FAM217A: variants seen among roughly 807,000 people sequenced by gnomAD.
The protein encoded by FAM217A is protein FAM217A.
Under a neutral mutation model 18.5 loss-of-function variants are expected in FAM217A, and 13 were observed. The observed-to-expected ratio is 0.70, with a 90% CI of 0.46 to 1.12. The LOEUF (loss-of-function observed/expected upper bound fraction) is 1.12. Ranked by LOEUF, FAM217A falls within the 50% of genes most tolerant of loss-of-function variation. FAM217A has a pLI of 0.00. For synonymous variants in FAM217A, 161 were observed against 202.8 expected (o/e 0.79, Z 1.75); for missense variants, 560 against 575.4 (o/e 0.97, Z 0.27).
upstream of FAM217A, chr6:4,079,557 T>G (rs994584068): frequency 2.4e-6 from 3 of 1,253,772 alleles, no homozygotes; most frequent in Admixed American, 2.3e-5. Context: ...GGCCCTTCCC[T>G]GGGCCTCTCC....
rs939519455 is a variant in FAM217A at position 4,077,966 on chromosome 6, G to A, written c.-34-518C>T. On this transcript the variant is annotated intron_variant, in intron 1 of 6. Coordinates refer to ENST00000274673, the MANE Select transcript of FAM217A (RefSeq NM_173563.3). ...ACCTAAAGGGTTTTAACCCACTGCCGTTTAAGGTAAAAGAATTAGAGAACT... is the reference window on the plus strand; with the variant it reads ...ACCTAAAGGGTTTTAACCCACTGCCATTTAAGGTAAAAGAATTAGAGAACT... Among the ~76,000 whole-genome samples, 6 of 151,276 alleles carry A rather than the reference G, an allele frequency of 4.0e-5. No homozygotes were observed. The East Asian group carries it at 9.7e-4, about 24-fold the overall frequency.
chr6:4,084,245 A>G (rs773078670), intron 2 of FAM217A, among the ~76,000 whole-genome samples: 1 of 152,194 alleles, frequency 6.6e-6, no homozygotes, highest in Non-Finnish European at 1.5e-5. Flanking sequence ...TTGGGAGGCC[A>G]TTGTTTTGTT....
At chr6:4,073,206 A>G in intron 6 of FAM217A, 69 bp downstream of exon 6, 2 of 1,194,932 alleles carry the variant, frequency 1.7e-6, no homozygotes, top group South Asian at 2.8e-5. Context: ...TGTATTTCAA[A>G]TAGTTATCTC....
At chr6:4,075,218 C>T (rs1000329092) in intron 2 of FAM217A, among the ~76,000 whole-genome samples, 1 of 152,146 alleles carries the variant, frequency 6.6e-6, no homozygotes, top group Admixed American at 6.6e-5. Flanking sequence ...CCTGTAATCC[C>T]AGCTGTTCGG....
At chr6:4,086,354 G>A (rs1252513005) in intron 1 of FAM217A, among the ~76,000 whole-genome samples, 2 of 148,794 alleles carry the variant, frequency 1.3e-5, no homozygotes, top group Admixed American at 6.8e-5. Context: ...GCCAAGGCAG[G>A]AGAATCGCTT....
chr6:4,080,280 C>G (rs1384558694), upstream of FAM217A, among the ~76,000 whole-genome samples: 1 of 152,178 alleles, frequency 6.6e-6, no homozygotes, highest in East Asian at 1.9e-4. Context: ...CACCTTCCAC[C>G]TACCTTACTC....
chr6:4,082,749 A>C (rs1770382831), upstream of FAM217A, among the ~76,000 whole-genome samples: 1 of 152,228 alleles, frequency 6.6e-6, no homozygotes, highest in African/African-American at 2.4e-5. Context: ...TGTTGAACCT[A>C]AGCATAAAAA....
At chr6:4,083,801 G>A (rs531304802), upstream of FAM217A, among the ~76,000 whole-genome samples, 1 of 152,210 alleles carries the variant, frequency 6.6e-6, no homozygotes, top group East Asian at 1.9e-4. Context: ...TGGTCCACCC[G>A]TGTCGGCCTC....
upstream of FAM217A, among the ~76,000 whole-genome samples, chr6:4,083,734 A>G (rs538121198): frequency 6.6e-6 from 1 of 152,064 alleles, no homozygotes; most frequent in South Asian, 2.1e-4. Context: ...TTGTATTTAT[A>G]GTAGAGACGA....
At chr6:4,078,822 G>A in intron 1 of FAM217A, 30 bp downstream of exon 1, 1 of 445,246 alleles carries the variant, frequency 2.2e-6, no homozygotes, top group South Asian at 4.3e-5. Flanking sequence ...GGGGCTGCGG[G>A]ATTCCCCGGG....
At position 4,073,496 on chromosome 6, in the gene FAM217A, T is replaced by C; in HGVS notation, c.171A>G (p.Glu57=). The C allele has an allele frequency of 6.2e-7, 1 of 1,613,292 alleles. No individual in the cohort carries two copies. Among genetic ancestry groups the C allele is most frequent in the South Asian group, 1.1e-5 (1 of 90,938 alleles). The part of the protein sequence containing the change: ...AGGKINKNYL[E]IPVEQLMLEP... ...CTAGCATCAGTTGCTCCACTGGAAT[T>C]TCCAAATAGTTCTATAAGGCAGCAG... is the stretch of plus-strand genomic sequence containing the variant. Residue 57 remains glutamate, a synonymous_variant, in exon 5 of 7, where the codon GAA becomes GAG. Coordinates refer to ENST00000274673, the MANE Select transcript of FAM217A (RefSeq NM_173563.3).
chr6:4,072,466 T>TAA (rs60967444), intron 6 of FAM217A, among the ~76,000 whole-genome samples: 101,637 of 146,954 alleles, frequency 0.69, 35,317 homozygotes, highest in Middle Eastern at 0.87. Flanking sequence ...AAAAAGTATT[T>TAA]AAAAAAAAAA....
At chr6:4,076,823 G>A (rs562642713) in intron 2 of FAM217A, among the ~76,000 whole-genome samples, 1 of 152,312 alleles carries the variant, frequency 6.6e-6, no homozygotes, top group Admixed American at 6.5e-5. Flanking sequence ...AGTTGAGATC[G>A]TGCCACAGCA....
At position 4,068,526 on chromosome 6, in the gene FAM217A, T is replaced by C. The variant is rs1340096713; in HGVS notation, c.*170A>G. The C allele has an allele frequency of 1.6e-6, 1 of 621,508 alleles. No individual in the cohort carries two copies. The highest frequency in any genetic ancestry group is 1.9e-5 in the African/African-American group (1 of 54,036). The allele number at this position is 621,508 out of a possible 1,614,324, so 38.5% of individuals were successfully genotyped here. On this transcript the variant is annotated 3_prime_UTR_variant, in exon 7 of 7. Coordinates refer to ENST00000274673, the MANE Select transcript of FAM217A (RefSeq NM_173563.3). ...GTATAGAAGCCTGTGGGTTTATATA[T>C]AGACATCTCAGCAGTGCTTTTCACA...
At chr6:4,086,002 C>A (rs984987743) in intron 1 of FAM217A, among the ~76,000 whole-genome samples, 1 of 151,866 alleles carries the variant, frequency 6.6e-6, no homozygotes, top group Non-Finnish European at 1.5e-5. Context: ...ATAGACTCAG[C>A]TACTTGTGAT....
upstream of FAM217A, chr6:4,079,740 C>A: frequency 2.0e-6 from 2 of 993,462 alleles, no homozygotes; most frequent in Non-Finnish European, 2.7e-6. Flanking sequence ...GAAGTTATAT[C>A]TATGCTTGTA....
chr6:4,087,233 G>C (rs187681753), upstream of FAM217A: 272 of 1,057,886 alleles, frequency 2.6e-4, no homozygotes, highest in African/African-American at 3.2e-3. Flanking sequence ...AAAGCTCTCA[G>C]TTTTCCCCAG....
chr6:4,076,288 C>A (rs1459327631), intron 2 of FAM217A, among the ~76,000 whole-genome samples: 1 of 145,602 alleles, frequency 6.9e-6, no homozygotes, highest in East Asian at 2.0e-4. Context: ...ACGATAGCAC[C>A]ACTGCACTCC....
chr6:4,076,457 T>G (rs180889392), intron 2 of FAM217A, among the ~76,000 whole-genome samples: 154 of 152,352 alleles, frequency 1.0e-3, no homozygotes, highest in African/African-American at 3.6e-3. Context: ...CCCTTCAGAC[T>G]TTTTTACGAT....
Sources: allele counts gnomAD v4.1 joint callset (sites outside exome capture counted in the v4.1 genomes callset), GRCh38; gene constraint gnomAD v4.1.1; transcripts MANE v1.5; gene names NCBI Gene and HGNC (gene_info 2026-07-23, HGNC 2026-07-21).